The following VPS45 variants were observed in gnomAD, a reference collection of about 807,000 sequenced individuals.
VPS45 encodes vacuolar protein sorting-associated protein 45.
In VPS45, 35 loss-of-function variants were observed where a neutral mutation model predicts 75.9. That is an observed-to-expected ratio of 0.46 (90% CI 0.35 to 0.61). The LOEUF is 0.61. Ranked by LOEUF, VPS45 falls within the 20% of genes least tolerant of loss-of-function variation. VPS45 has a pLI of 0.00. For synonymous variants in VPS45, 220 were observed against 238.2 expected (o/e 0.92, Z 0.70); for missense variants, 559 against 685.9 (o/e 0.81, Z 2.07).
intron 14 of VPS45, among the ~76,000 whole-genome samples, chr1:150,115,281 T>C (rs587705828): frequency 6.6e-6 from 1 of 152,330 alleles, no homozygotes; most frequent in South Asian, 2.1e-4. Context: ...AGTGTTCCAG[T>C]TTAGTAATTC....
At chr1:150,086,432 T>G (rs1553800684) in intron 10 of VPS45, among the ~76,000 whole-genome samples, 1 of 152,152 alleles carries the variant, frequency 6.6e-6, no homozygotes, top group African/African-American at 2.4e-5. Context: ...CAAGACATGT[T>G]TTTTAGTTCA....
At chr1:150,089,319 T>A (rs1393792955) in intron 10 of VPS45, among the ~76,000 whole-genome samples, 1 of 151,980 alleles carries the variant, frequency 6.6e-6, no homozygotes, top group Non-Finnish European at 1.5e-5. Context: ...ACAACAGAAA[T>A]CCCAAATGGG....
At chr1:150,073,208 A>G (rs1655176697) in intron 3 of VPS45, among the ~76,000 whole-genome samples, 1 of 152,144 alleles carries the variant, frequency 6.6e-6, no homozygotes, top group Non-Finnish European at 1.5e-5. Flanking sequence ...AGTGTAGTCT[A>G]TTTGGTAACA....
intron 14 of VPS45, among the ~76,000 whole-genome samples, chr1:150,132,452 G>C (rs1000389623): frequency 6.6e-6 from 1 of 152,092 alleles, no homozygotes; most frequent in Non-Finnish European, 1.5e-5. Context: ...CAATTTTAAA[G>C]AGCCATCAAT....
At chr1:150,082,128 G>C in intron 9 of VPS45, 131 bp downstream of exon 9, 1 of 622,974 alleles carries the variant, frequency 1.6e-6, no homozygotes, top group Non-Finnish European at 2.8e-6. Flanking sequence ...CTTATTTTCT[G>C]TAATGTCTTT....
At chr1:150,124,844 C>A (rs1658423928) in intron 14 of VPS45, among the ~76,000 whole-genome samples, 1 of 151,822 alleles carries the variant, frequency 6.6e-6, no homozygotes, top group African/African-American at 2.4e-5. Context: ...TAGGCATAAG[C>A]CACTGTGCCC....
intron 13 of VPS45, among the ~76,000 whole-genome samples, chr1:150,104,498 T>C (rs1553805334): frequency 6.6e-6 from 1 of 152,212 alleles, no homozygotes; most frequent in Non-Finnish European, 1.5e-5. Context: ...TCTTTTTATA[T>C]GATGATTTCC....
chr1:150,105,657 A>G (rs1657281275), intron 13 of VPS45, among the ~76,000 whole-genome samples: 1 of 152,222 alleles, frequency 6.6e-6, no homozygotes, highest in African/African-American at 2.4e-5. Context: ...ATGGATTGGA[A>G]GAATCAATAT....
chr1:150,091,610 C>T (rs1292550758), intron 10 of VPS45, among the ~76,000 whole-genome samples: 4 of 152,040 alleles, frequency 2.6e-5, no homozygotes, highest in African/African-American at 4.8e-5. Context: ...TTTGTTGTGC[C>T]GTATTGATTC....
chr1:150,129,949 T>G (rs1244322254), intron 14 of VPS45, among the ~76,000 whole-genome samples: 1 of 151,578 alleles, frequency 6.6e-6, no homozygotes, highest in Non-Finnish European at 1.5e-5. Flanking sequence ...ACTCTTGGGC[T>G]CAAGCAGTCC....
At chr1:150,095,449 C>T (rs1553802837) in intron 13 of VPS45, among the ~76,000 whole-genome samples, 1 of 152,124 alleles carries the variant, frequency 6.6e-6, no homozygotes, top group East Asian at 1.9e-4. Context: ...CCTGTCTCTA[C>T]TAAAACTACA....
At chr1:150,092,655 A>G (rs782265177) in intron 12 of VPS45, 1 of 272,622 alleles carries the variant, frequency 3.7e-6, no homozygotes, top group Non-Finnish European at 6.8e-6. Flanking sequence ...CCAGGAAATA[A>G]GAAGAAAAAG....
intron 12 of VPS45, among the ~76,000 whole-genome samples, chr1:150,093,097 C>T (rs1160088922): frequency 1.3e-5 from 2 of 151,974 alleles, no homozygotes; most frequent in South Asian, 2.1e-4. Context: ...CTGCCCGCCT[C>T]GGCCTCCCAA....
Position 150,072,673 on chromosome 1 carries a change from C to A in VPS45, c.289+447C>A, listed in dbSNP as rs1216303318. On this transcript the variant is annotated intron_variant, in intron 3 of 14. Transcript: ENST00000644510. ...CTCCATCTCAAAAAAAAAAAAAATACTTTTGACCAATATTCTGTTTCAGAG... is the reference window on the plus strand; with the variant it reads ...CTCCATCTCAAAAAAAAAAAAAATAATTTTGACCAATATTCTGTTTCAGAG... Among the ~76,000 whole-genome samples the A allele has an allele frequency of 8.5e-3, 2 of 234 alleles. 1 individual carries two copies. The highest frequency in any genetic ancestry group is 0.04 in the African/African-American group (2 of 50). 0.2% of individuals were successfully genotyped at this position (234 alleles called of 152,430 possible). A position where few individuals can be genotyped will look rare whatever the true frequency, so the allele number is the denominator to read the frequency against.
chr1:150,075,715 CT>C (rs2101512566), intron 3 of VPS45, among the ~76,000 whole-genome samples: 1 of 152,172 alleles, frequency 6.6e-6, no homozygotes, highest in East Asian at 1.9e-4. Context: ...CTTCTTTCTC[CT>C]TATTTTCAAT....
At chr1:150,090,049 G>A (rs1376675865) in intron 10 of VPS45, among the ~76,000 whole-genome samples, 6 of 152,218 alleles carry the variant, frequency 3.9e-5, no homozygotes, top group Admixed American at 3.3e-4. Context: ...TTAGACATTG[G>A]ACATGGTTGT....
chr1:150,080,357 C>T (rs368671501), intron 7 of VPS45, among the ~76,000 whole-genome samples: 7 of 151,700 alleles, frequency 4.6e-5, no homozygotes, highest in South Asian at 2.1e-4. Flanking sequence ...TTGGTCAGGC[C>T]GGTCTCGAAC....
intron 2 of VPS45, among the ~76,000 whole-genome samples, chr1:150,071,307 C>A (rs886118203): frequency 6.6e-6 from 1 of 152,094 alleles, no homozygotes; most frequent in East Asian, 1.9e-4. Context: ...AACTTTCATA[C>A]TTTATTTTAA....
chr1:150,081,274 GT>G, intron 7 of VPS45, 67 bp from the exon 8 acceptor site: 1 of 1,452,234 alleles, frequency 6.9e-7, no homozygotes, highest in South Asian at 1.3e-5. Flanking sequence ...GTTTTTATTT[GT>G]TTTCCTGAAC....
Sources: gnomAD v4.1 joint callset for allele counts (sites outside exome capture counted in the v4.1 genomes callset) on GRCh38, gnomAD v4.1.1 for gene constraint, MANE v1.5 for transcripts, NCBI Gene and HGNC (gene_info 2026-07-23, HGNC 2026-07-21) for gene names.